The following CARD14 variants were observed in gnomAD, a reference collection of about 807,000 sequenced individuals.
CARD14 encodes caspase recruitment domain family member 14.
CARD14 carries 107 observed loss-of-function variants against 111.5 expected under a neutral mutation model. The observed-to-expected ratio is 0.96, with a 90% CI of 0.82 to 1.13. The LOEUF (loss-of-function observed/expected upper bound fraction) is 1.13, where lower values mean the gene tolerates loss of function less well. Among genes scored for constraint, CARD14 ranks in the 50% most tolerant of loss-of-function variants. The pLI, the probability that CARD14 is intolerant of heterozygous loss-of-function variation, is 0.00. For synonymous variants in CARD14, 617 were observed against 579.6 expected, an observed-to-expected ratio of 1.06 and a Z score of -0.93; for missense variants, 1,322 against 1,362.3, an observed-to-expected ratio of 0.97 and a Z score of 0.47.
rs747222317 is a variant in CARD14 at position 80,181,474 on chromosome 17, G to C, written c.36G>C (p.Thr12=). The C allele has an allele frequency of 5.0e-6, 8 of 1,587,042 alleles. No homozygotes were observed. Among genetic ancestry groups the C allele is most frequent in the Non-Finnish European group, 6.9e-6 (8 of 1,166,242 alleles). Residue 12 remains threonine, a synonymous_variant, in exon 5 of 24, where the codon ACG becomes ACC. Transcript: ENST00000648509. ...TGTGCCGCAGGGACTCCGCACTCAC[G>C]GCACTGGACGAGGAGACACTGTGGG... The part of the protein sequence containing the change: ...GELCRRDSAL[T]ALDEETLWEM...
Position 80,198,919 on chromosome 17 carries a change from T to C in CARD14, c.1851+328T>C. 8.1e-7 allele frequency: 1 copy of C among 1,227,718 alleles called. No homozygotes were observed. Among genetic ancestry groups the C allele is most frequent in the Non-Finnish European group, 1.0e-6 (1 of 980,400 alleles). 76.1% of individuals were successfully genotyped at this position (1,227,718 alleles called of 1,614,324 possible). ...ACACGTGACATAAAATTCACTATTT[T>C]AACCACTGGGGCATTTCTTTTCTTT... is the stretch of plus-strand genomic sequence containing the variant. On this transcript the variant is annotated intron_variant, in intron 16 of 23. Coordinates refer to ENST00000648509, the MANE Select transcript of CARD14 (RefSeq NM_001366385.1). The surrounding 1 kb of genome is among the most constrained non-coding windows in gnomAD (Gnocchi z 7.5).
intron 3 of CARD14, among the ~76,000 whole-genome samples, 189 bp from the exon 4 acceptor site, chr17:80,178,915 T>C (rs1450793157): frequency 6.6e-6 from 1 of 152,114 alleles, no homozygotes; most frequent in African/African-American, 2.4e-5. Context: ...CTGGCTAATT[T>C]TTGTATTTTC....
intron 12 of CARD14, 146 bp downstream of exon 12, chr17:80,192,765 A>AT (rs1014604170): frequency 1.4e-4 from 78 of 568,332 alleles, no homozygotes; most frequent in Middle Eastern, 4.7e-4. Flanking sequence ...ATTTTATTTT[A>AT]TTTTTTGAGA....
chr17:80,202,989 C>T (rs115426502), intron 18 of CARD14: 2,524 of 154,956 alleles, frequency 0.016, 70 homozygotes, highest in African/African-American at 0.057. Flanking sequence ...TGCTCTAGGC[C>T]GAGCATGGTG....
chr17:80,190,788 G>A lies in CARD14; in HGVS notation c.978G>A (p.Lys326=). 1 of 1,614,176 alleles carries A rather than the reference G, an allele frequency of 6.2e-7. No homozygotes were observed. The highest frequency in any genetic ancestry group is 8.5e-7 in the Non-Finnish European group (1 of 1,180,034). The change falls in exon 10 of 24, where the codon AAG becomes AAA. Residue 326 remains lysine, a synonymous_variant. Transcript: ENST00000648509. ...ERQREQYWEE[K]EQTLLQFQKS... ...ACTCTGTCCAGTACTGGGAAGAGAA[G>A]GAACAGACCCTGCTGCAGTTCCAGA...
At chr17:80,190,932 C>T (rs2040506321) in intron 10 of CARD14, 33 bp downstream of exon 10, 4 of 1,605,208 alleles carry the variant, frequency 2.5e-6, no homozygotes, top group African/African-American at 1.3e-5. Flanking sequence ...CCCGCCACCC[C>T]ATGCTTGCTT....
chr17:80,206,224 G>C (rs1238594321), intron 22 of CARD14, among the ~76,000 whole-genome samples: 2 of 152,198 alleles, frequency 1.3e-5, no homozygotes. Flanking sequence ...CAGCACTTTG[G>C]GAACCCGAGG....
At chr17:80,186,613 A>G (rs895579959) in intron 7 of CARD14, among the ~76,000 whole-genome samples, 2 of 152,070 alleles carry the variant, frequency 1.3e-5, no homozygotes, top group African/African-American at 4.8e-5. Flanking sequence ...CAGTGGCGCC[A>G]TCTCAGCCCA....
In CARD14 at chr17:80,195,478, TG is replaced by T; in HGVS notation, c.1500-75del. The T allele has an allele frequency of 2.6e-6, 4 of 1,513,026 alleles. No homozygotes were observed. The highest frequency in any genetic ancestry group is 2.7e-6 in the Non-Finnish European group (3 of 1,120,136). The allele number at this position is 1,513,026 out of a possible 1,614,324, so 93.7% of individuals were successfully genotyped here. ...TCGAAGCCCCAGAGCTGGCAGGTGC[TG>T]GGGGCCAGTGCTTGGGGCGTGGGGA... On this transcript the variant is annotated intron_variant, in intron 13 of 23. Coordinates refer to ENST00000648509, the MANE Select transcript of CARD14 (RefSeq NM_001366385.1). The surrounding 1 kb of genome is among the most constrained non-coding windows in gnomAD (Gnocchi z 4.7).
Position 80,205,514 on chromosome 17 carries a change from T to A in CARD14, c.2570-17T>A, listed in dbSNP as rs746139019. 6.3e-7 allele frequency: 1 copy of A among 1,580,162 alleles called. No individual in the cohort carries two copies. The highest frequency in any genetic ancestry group is 1.8e-5 in the Admixed American group (1 of 55,024). On this transcript the variant is annotated splice_polypyrimidine_tract_variant and intron_variant, in intron 21 of 23. Coordinates refer to ENST00000648509, the MANE Select transcript of CARD14 (RefSeq NM_001366385.1). ...ACACAGCTGGTCTATGATGGCCCCG[T>A]CCAATGTCACCTGTAGAGTACTTGA... is the stretch of plus-strand genomic sequence containing the variant.
chr17:80,171,196 TCCCTC>T (rs2039893247), intron 1 of CARD14, among the ~76,000 whole-genome samples: 13 of 50,296 alleles, frequency 2.6e-4, no homozygotes, highest in Admixed American at 7.1e-4. Flanking sequence ...CCTCCCTCCC[TCCCTC>T]CCTCCCTTCC....
At position 80,205,115 on chromosome 17, in the gene CARD14, C is replaced by A; in HGVS notation, c.2479C>A (p.Pro827Thr). ...TLVRPHRPARPRPVLLVPRAV... is the reference protein window; with the variant it reads ...TLVRPHRPARTRPVLLVPRAV... ...GGTGCGGCCCCATCGACCCGCCCGG[C>A]CCCGGCCTGTGCTCCTCGTGCCCAG... The change falls in exon 21 of 24, where the codon CCC becomes ACC. Residue 827 changes from proline (P) to threonine (T), a missense_variant. Coordinates refer to ENST00000648509, the MANE Select transcript of CARD14 (RefSeq NM_001366385.1). The A allele has an allele frequency of 6.2e-7, 1 of 1,613,670 alleles. No individual in the cohort carries two copies. Among genetic ancestry groups the A allele is most frequent in the Non-Finnish European group, 8.5e-7 (1 of 1,179,888 alleles).
intron 18 of CARD14, 125 bp downstream of exon 18, chr17:80,202,545 A>C (rs2041042437): frequency 1.4e-6 from 2 of 1,467,408 alleles, no homozygotes; most frequent in East Asian, 4.9e-5. Flanking sequence ...CCCCCTAAGG[A>C]GGGAAGCCTG....
At position 80,192,480 on chromosome 17, in the gene CARD14, C is replaced by G. The variant is rs1296293182; in HGVS notation, c.1240-23C>G. Reference sequence around the variant, plus strand: ...GCGGAACCTTTCCCGAATTAACCAGCCTGTCTGGCCTGTCTTTGGCAGCTC... The same window carrying G: ...GCGGAACCTTTCCCGAATTAACCAGGCTGTCTGGCCTGTCTTTGGCAGCTC... On this transcript the variant is annotated intron_variant, in intron 11 of 23. Coordinates refer to ENST00000648509, the MANE Select transcript of CARD14 (RefSeq NM_001366385.1). The G allele has an allele frequency of 2.5e-6, 4 of 1,589,984 alleles. No individual in the cohort carries two copies. The African/African-American group carries it at 5.4e-5, about 21-fold the overall frequency.
rs1278492209 is a variant in CARD14 at position 80,203,784 on chromosome 17, G to T, written c.2220-38G>T. On this transcript the variant is annotated intron_variant, in intron 18 of 23. Coordinates refer to ENST00000648509, the MANE Select transcript of CARD14 (RefSeq NM_001366385.1). The surrounding 1 kb of genome is among the most constrained non-coding windows in gnomAD (Gnocchi z 4.6). ...TCTCCCCTGCCCTGCTCACCTGGCA[G>T]GAGGCAGCTGGGTCAGGGCCTCTGC... is the stretch of plus-strand genomic sequence containing the variant. The T allele has an allele frequency of 3.3e-6, 5 of 1,532,390 alleles. No individual in the cohort carries two copies. In the East Asian group the frequency reaches 1.2e-4, roughly 37 times the overall value. The allele number at this position is 1,532,390 out of a possible 1,614,324, so 94.9% of individuals were successfully genotyped here. A position where few individuals can be genotyped will look rare whatever the true frequency, so the allele number is the denominator to read the frequency against.
At chr17:80,204,461 T>C in intron 20 of CARD14, 120 bp downstream of exon 20, 2 of 943,074 alleles carry the variant, frequency 2.1e-6, no homozygotes, top group Non-Finnish European at 3.1e-6. Flanking sequence ...CAGGATCTGG[T>C]CTTCAAGAAT....
intron 1 of CARD14, among the ~76,000 whole-genome samples, chr17:80,170,935 G>A (rs541385752): frequency 6.7e-6 from 1 of 149,996 alleles, no homozygotes; most frequent in Admixed American, 6.6e-5. Context: ...CTGCCTCCTG[G>A]GTTCAGGTGA....
At chr17:80,171,598 A>T (rs2039905461) in intron 1 of CARD14, among the ~76,000 whole-genome samples, 1 of 152,202 alleles carries the variant, frequency 6.6e-6, no homozygotes, top group African/African-American at 2.4e-5. Flanking sequence ...AGACTACTGT[A>T]AGTTGCTTCA....
At position 80,183,905 on chromosome 17, in the gene CARD14, G is replaced by A. The variant is rs1214711504; in HGVS notation, c.350-8G>A. ...TGCTCACTTGCTCACCTGCCCATCT[G>A]CCCACAGGTCTCATGGAGACATCCA... On this transcript the variant is annotated splice_region_variant and splice_polypyrimidine_tract_variant and intron_variant, in intron 6 of 23. Coordinates refer to ENST00000648509, the MANE Select transcript of CARD14 (RefSeq NM_001366385.1). 6.8e-7 allele frequency: 1 copy of A among 1,476,902 alleles called. No homozygotes were observed. The highest frequency in any genetic ancestry group is 2.4e-5 in the East Asian group (1 of 42,154). 91.5% of individuals were successfully genotyped at this position (1,476,902 alleles called of 1,614,324 possible).
Sources: allele counts gnomAD v4.1 joint callset (sites outside exome capture counted in the v4.1 genomes callset), GRCh38; gene constraint gnomAD v4.1.1; non-coding constraint Gnocchi (gnomAD v3.1); transcripts MANE v1.5; gene names NCBI Gene and HGNC (gene_info 2026-07-23, HGNC 2026-07-21).